DNTT: variants seen among roughly 807,000 people sequenced by gnomAD.
DNTT encodes the protein nucleosidetriphosphate:DNA deoxynucleotidylexotransferase.
In DNTT, 47 loss-of-function variants were observed where a neutral mutation model predicts 60.9. The observed-to-expected ratio is 0.77, with a 90% CI of 0.61 to 0.98. The LOEUF (loss-of-function observed/expected upper bound fraction) is 0.98. Ranked by LOEUF, DNTT falls within the 50% of genes least tolerant of loss-of-function variation. The pLI is 0.00. For synonymous variants in DNTT, 224 were observed against 221.2 expected (o/e 1.01, Z -0.11); for missense variants, 665 against 627.5 (o/e 1.06, Z -0.64).
chr10:96,325,333 G>T (rs1456382904), intron 6 of DNTT, among the ~76,000 whole-genome samples: 2 of 152,116 alleles, frequency 1.3e-5, no homozygotes, highest in Non-Finnish European at 2.9e-5. Flanking sequence ...TTATATTCCA[G>T]GACCCTGAAA....
chr10:96,310,213 C>A (rs1000959470), intron 1 of DNTT, among the ~76,000 whole-genome samples: 1 of 152,246 alleles, frequency 6.6e-6, no homozygotes, highest in African/African-American at 2.4e-5. Flanking sequence ...CCCATAAACA[C>A]TGGGGCCTCT....
intron 8 of DNTT, among the ~76,000 whole-genome samples, chr10:96,331,344 G>A (rs892763735): frequency 6.6e-6 from 1 of 152,144 alleles, no homozygotes; most frequent in Non-Finnish European, 1.5e-5. Context: ...CCTGAGGCTG[G>A]GTAATTTATA....
At chr10:96,328,102 G>T (rs1454715418) in intron 7 of DNTT, among the ~76,000 whole-genome samples, 1 of 152,218 alleles carries the variant, frequency 6.6e-6, no homozygotes, top group African/African-American at 2.4e-5. Flanking sequence ...AGGTGCTCAA[G>T]AAATCTTGGT....
rs1260660464 is a variant in DNTT at position 96,336,012 on chromosome 10, C to T, written c.1443+38C>T. On this transcript the variant is annotated intron_variant, in intron 10 of 10. Transcript: ENST00000371174. ...TCCTAAAAGGGGCTACTTTGATCCT[C>T]ATCCCCAAGGCTGGCCCCCGAGCTT... The T allele has an allele frequency of 2.5e-6, 4 of 1,604,746 alleles. No homozygotes were observed. The African/African-American group carries it at 5.4e-5, about 21-fold the overall frequency.
In DNTT at chr10:96,338,344, C is replaced by A; in HGVS notation, c.*120C>A. ...TTAGGTCTTATTGAAATGCAGATTG[C>A]TACTAGAAATAAATAACTTTGGAAA... On this transcript the variant is annotated 3_prime_UTR_variant, in exon 11 of 11. Transcript: ENST00000371174. The A allele has an allele frequency of 1.2e-6, 1 of 848,212 alleles. No homozygotes were observed. The highest frequency in any genetic ancestry group is 1.8e-6 in the Non-Finnish European group (1 of 561,048). The allele number at this position is 848,212 out of a possible 1,614,324, so 52.5% of individuals were successfully genotyped here. A position where few individuals can be genotyped will look rare whatever the true frequency, so the allele number is the denominator to read the frequency against.
chr10:96,307,780 T>A (rs1393624132), intron 1 of DNTT, among the ~76,000 whole-genome samples: 1 of 143,920 alleles, frequency 6.9e-6, no homozygotes, highest in African/African-American at 2.5e-5. Flanking sequence ...TATATATATT[T>A]TTTTTTTTTG....
At chr10:96,306,424 C>G (rs1190966940) in intron 1 of DNTT, 1 of 152,102 alleles carries the variant, frequency 6.6e-6, no homozygotes, top group Non-Finnish European at 1.5e-5. Flanking sequence ...AAATTAAAAG[C>G]CTTAGCAAAT....
chr10:96,332,422 T>C lies in DNTT; in HGVS notation c.1185T>C (p.Asp395=), dbSNP rs1564875039. 4 of 1,614,098 alleles carry C rather than the reference T, an allele frequency of 2.5e-6. No homozygotes were observed. Among genetic ancestry groups the C allele is most frequent in the African/African-American group, 2.7e-5 (2 of 74,954 alleles). The change falls in exon 9 of 11, where the codon GAT becomes GAC. Residue 395 remains aspartate (D), a synonymous_variant. Coordinates refer to ENST00000371174, the MANE Select transcript of DNTT (RefSeq NM_004088.4). Reference sequence around the variant, plus strand: ...TCAGGTTGCCTAGCAGGAAGGTTGATGCTTTGGATCATTTTCAAAAGTGCT... The same window carrying C: ...TCAGGTTGCCTAGCAGGAAGGTTGACGCTTTGGATCATTTTCAAAAGTGCT... ...EKLRLPSRKV[D]ALDHFQKCFL...
intron 5 of DNTT, among the ~76,000 whole-genome samples, chr10:96,324,011 G>T (rs1211535969): frequency 6.6e-6 from 1 of 152,130 alleles, no homozygotes; most frequent in East Asian, 1.9e-4. Flanking sequence ...CTATACCTTA[G>T]CCCTGCACAG....
intron 5 of DNTT, among the ~76,000 whole-genome samples, chr10:96,323,695 C>T (rs745484057): frequency 6.6e-6 from 1 of 152,042 alleles, no homozygotes; most frequent in Non-Finnish European, 1.5e-5. Flanking sequence ...TTTTCCCTAC[C>T]TTAGAGTTGC....
rs1025325808 is a variant in DNTT at position 96,323,078 on chromosome 10, G to T, written c.750+350G>T. 9.2e-5 allele frequency among the ~76,000 whole-genome samples: 14 copies of T among 152,288 alleles called. No homozygotes were observed. In the East Asian group the frequency reaches 2.5e-3, roughly 27 times the overall value. ...TCCAAGCACTTTGGGAGGCCAAGGC[G>T]GGTGCACTTGAAGCCAGGAATTCGA... On this transcript the variant is annotated intron_variant, in intron 5 of 10. Coordinates refer to ENST00000371174, the MANE Select transcript of DNTT (RefSeq NM_004088.4).
At chr10:96,321,431 A>G (rs942869148) in intron 4 of DNTT, among the ~76,000 whole-genome samples, 3 of 151,994 alleles carry the variant, frequency 2.0e-5, no homozygotes, top group Non-Finnish European at 4.4e-5. Flanking sequence ...CAGTGTGTCT[A>G]CTGGAGTTGT....
At chr10:96,311,717 C>T (rs1292954640) in intron 1 of DNTT, among the ~76,000 whole-genome samples, 1 of 152,248 alleles carries the variant, frequency 6.6e-6, no homozygotes, top group Non-Finnish European at 1.5e-5. Flanking sequence ...GATCTCAGCT[C>T]ACTACAATCT....
In DNTT at chr10:96,318,533, G is replaced by A; in HGVS notation, c.378+7G>A. 6.2e-7 allele frequency: 1 copy of A among 1,612,044 alleles called. No individual in the cohort carries two copies. The highest frequency in any genetic ancestry group is 8.5e-7 in the Non-Finnish European group (1 of 1,178,824). On this transcript the variant is annotated splice_region_variant and intron_variant, in intron 2 of 10. Transcript: ENST00000371174. Reference sequence around the variant, plus strand: ...AGGAAAACACCAGCTTGTTGTAAGTGTCATGGGTGTGATTTTCACTGTTCT... The same window carrying A: ...AGGAAAACACCAGCTTGTTGTAAGTATCATGGGTGTGATTTTCACTGTTCT...
chr10:96,328,857 C>T (rs1564874162), intron 8 of DNTT, 27 bp downstream of exon 8: 1 of 1,595,794 alleles, frequency 6.3e-7, no homozygotes, highest in Non-Finnish European at 8.6e-7. Context: ...AAAATACATG[C>T]ACACGCAAAC....
intron 3 of DNTT, among the ~76,000 whole-genome samples, 192 bp downstream of exon 3, chr10:96,319,582 G>A (rs1844841074): frequency 6.6e-6 from 1 of 152,090 alleles, no homozygotes; most frequent in South Asian, 2.1e-4. Flanking sequence ...TTCCTTCCTG[G>A]AAATAGACAA....
At chr10:96,336,939 G>GA (rs1223826665) in intron 10 of DNTT, among the ~76,000 whole-genome samples, 15,979 of 68,094 alleles carry the variant, frequency 0.23, 1,282 homozygotes, top group East Asian at 0.33. Flanking sequence ...CTCTGTGTCA[G>GA]GAAAAAAAAA....
chr10:96,309,168 C>T (rs1844679517), intron 1 of DNTT, among the ~76,000 whole-genome samples: 1 of 152,208 alleles, frequency 6.6e-6, no homozygotes, highest in Non-Finnish European at 1.5e-5. Context: ...TTGACACCCA[C>T]CAGAGGATAC....
chr10:96,319,003 G>A (rs1000073333), intron 2 of DNTT, among the ~76,000 whole-genome samples: 3 of 152,118 alleles, frequency 2.0e-5, no homozygotes, highest in Non-Finnish European at 4.4e-5. Flanking sequence ...TGGGAAGAGG[G>A]CTTGGACCAT....
Sources: allele counts gnomAD v4.1 joint callset (sites outside exome capture counted in the v4.1 genomes callset), GRCh38; gene constraint gnomAD v4.1.1; transcripts MANE v1.5; gene names NCBI Gene and HGNC (gene_info 2026-07-23, HGNC 2026-07-21).